CFAP298: variants seen among roughly 807,000 people sequenced by gnomAD.
CFAP298 encodes the protein cilia and flagella associated protein 298, also known as cilia- and flagella-associated protein 298.
Under a neutral mutation model 41.0 loss-of-function variants are expected in CFAP298, and 38 were observed. The observed-to-expected ratio is 0.93, with a 90% CI of 0.72 to 1.22. CFAP298 has a LOEUF of 1.22. CFAP298 is among the 50% of genes most tolerant of loss of function. CFAP298 has a pLI of 0.00. For synonymous variants in CFAP298, 137 were observed against 135.3 expected (o/e 1.01, Z -0.09); for missense variants, 348 against 360.3 (o/e 0.97, Z 0.28).
At chr21:32,610,869 G>A (rs1267130239) in intron 1 of CFAP298, among the ~76,000 whole-genome samples, 2 of 151,776 alleles carry the variant, frequency 1.3e-5, no homozygotes, top group African/African-American at 2.4e-5. Context: ...AAATAGTTAC[G>A]TTTGTATATT....
In CFAP298 at chr21:32,607,644, C is replaced by T; in HGVS notation, c.375+5G>A. Reference sequence around the variant, plus strand: ...AGTTTTAGTGCATCATTTAAAAAAGCCAACCTTAGATATTATTGCTTTGGC... The same window carrying T: ...AGTTTTAGTGCATCATTTAAAAAAGTCAACCTTAGATATTATTGCTTTGGC... On this transcript the variant is annotated splice_donor_5th_base_variant and intron_variant, in intron 3 of 6. Coordinates refer to ENST00000290155, the MANE Select transcript of CFAP298 (RefSeq NM_021254.4). The T allele has an allele frequency of 6.5e-7, 1 of 1,532,848 alleles. No homozygotes were observed. The highest frequency in any genetic ancestry group is 8.8e-7 in the Non-Finnish European group (1 of 1,131,194). The allele number at this position is 1,532,848 out of a possible 1,614,324, so 95.0% of individuals were successfully genotyped here. A position where few individuals can be genotyped will look rare whatever the true frequency, so the allele number is the denominator to read the frequency against.
chr21:32,602,381 A>G lies in CFAP298; in HGVS notation c.667-14T>C, dbSNP rs1413989959. The G allele has an allele frequency of 1.1e-5, 18 of 1,607,804 alleles. No individual in the cohort carries two copies. The highest frequency in any genetic ancestry group is 1.5e-5 in the Non-Finnish European group (18 of 1,178,792). On this transcript the variant is annotated splice_polypyrimidine_tract_variant and intron_variant, in intron 5 of 6. Coordinates refer to ENST00000290155, the MANE Select transcript of CFAP298 (RefSeq NM_021254.4). ...TCCCTGTCCCCTCTGCAAAGAGGAG[A>G]GCAGAGCAAATTGTGGATTAAGGTG...
At position 32,612,160 on chromosome 21, in the gene CFAP298, C is replaced by G. The variant is rs1204591760; in HGVS notation, c.84G>C (p.Thr28=). 2.5e-6 allele frequency: 4 copies of G among 1,592,002 alleles called. No homozygotes were observed. In the African/African-American group the frequency reaches 5.4e-5, roughly 21 times the overall value. The change falls in exon 1 of 7, where the codon ACG becomes ACC. Residue 28 remains threonine, a synonymous_variant. Transcript: ENST00000290155. The part of the protein sequence containing the change: ...APGSTELEEL[T]VQVARVYNGR... ...CATTATAGACCCGGGCCACCTGCAC[C>G]GTGAGCTCCTCCAGCTCGGTACTCC...
intron 4 of CFAP298, among the ~76,000 whole-genome samples, chr21:32,603,773 G>A (rs1206681549): frequency 3.3e-5 from 5 of 152,222 alleles, no homozygotes; most frequent in Non-Finnish European, 7.4e-5. Context: ...GGTAAGACTA[G>A]AAACACAAAT....
rs768423355 is a variant in CFAP298, at chr21:32,603,180, A to G, written c.647T>C (p.Ile216Thr). Residue 216 changes from isoleucine to threonine, a missense_variant, in exon 5 of 7, where the codon ATT becomes ACT. Physicochemically the swap from Ile to Thr is moderately conservative, Grantham distance 89. Transcript: ENST00000290155. ...ACTTACTTGCTGAATCTTGGCGATAATTTTGGTTTTTTCATTCTTCCCCAC... is the reference window on the plus strand; with the variant it reads ...ACTTACTTGCTGAATCTTGGCGATAGTTTTGGTTTTTTCATTCTTCCCCAC... Reference protein sequence around the residue: ...DYVGKNEKTKIIAKIQQRGQG... With the variant: ...DYVGKNEKTKTIAKIQQRGQG... The G allele has an allele frequency of 6.2e-7, 1 of 1,614,190 alleles. No individual in the cohort carries two copies. Among genetic ancestry groups the G allele is most frequent in the Non-Finnish European group, 8.5e-7 (1 of 1,180,020 alleles).
intron 3 of CFAP298, among the ~76,000 whole-genome samples, chr21:32,605,619 C>T (rs887831606): frequency 6.6e-6 from 1 of 152,178 alleles, no homozygotes; most frequent in African/African-American, 2.4e-5. Flanking sequence ...TTGGTGAAGA[C>T]GTTGATGTGC....
chr21:32,611,318 C>CATATATATATATATATAT (rs71193198), intron 1 of CFAP298, among the ~76,000 whole-genome samples: 68 of 114,828 alleles, frequency 5.9e-4, no homozygotes, highest in South Asian at 2.6e-3. Flanking sequence ...ACACACATAC[C>CATATATATATATATATAT]ATATATATAT....
At chr21:32,602,910 C>T (rs1321592010) in intron 5 of CFAP298, 40 of 1,243,968 alleles carry the variant, frequency 3.2e-5, no homozygotes, top group South Asian at 1.8e-4. Context: ...CCTATTTTTA[C>T]GCTTGAAATT....
intron 3 of CFAP298, among the ~76,000 whole-genome samples, chr21:32,604,918 T>G (rs2038834949): frequency 6.6e-6 from 1 of 152,178 alleles, no homozygotes; most frequent in African/African-American, 2.4e-5. Context: ...GCTCACACCT[T>G]ATGTAATCCC....
At chr21:32,610,136 G>A in intron 1 of CFAP298, 131 bp from the exon 2 acceptor site, 1 of 788,120 alleles carries the variant, frequency 1.3e-6, no homozygotes, top group South Asian at 1.8e-5. Flanking sequence ...TATGCCACTT[G>A]CTATGTGCCA....
chr21:32,601,997 A>T (rs1433873891), intron 6 of CFAP298, 24 bp from the exon 7 acceptor site: 1 of 1,408,316 alleles, frequency 7.1e-7, no homozygotes, highest in East Asian at 2.3e-5. Context: ...TGTTTTATTC[A>T]GGCAGGCATT....
Position 32,603,141 on chromosome 21 carries a change from T to C in CFAP298, c.666+20A>G. Reference sequence around the variant, plus strand: ...GGAAATAACAAAAACTACTGACACATTAAAGCAAAAAGTACTTACTTGCTG... The same window carrying C: ...GGAAATAACAAAAACTACTGACACACTAAAGCAAAAAGTACTTACTTGCTG... On this transcript the variant is annotated intron_variant, in intron 5 of 6. Transcript: ENST00000290155. 6.2e-7 allele frequency: 1 copy of C among 1,614,062 alleles called. No individual in the cohort carries two copies. Among genetic ancestry groups the C allele is most frequent in the Non-Finnish European group, 8.5e-7 (1 of 1,179,894 alleles).
chr21:32,602,972 G>C lies in CFAP298; in HGVS notation c.666+189C>G, dbSNP rs111625673. 5.5e-4 allele frequency: 559 copies of C among 1,011,300 alleles called. 5 individuals are homozygous for C. In the African/African-American group the frequency reaches 7.7e-3, roughly 14 times the overall value. 62.6% of individuals were successfully genotyped at this position (1,011,300 alleles called of 1,614,324 possible). ...ATATTAAAACAAACTCTAGATATTG[G>C]TACTCAATCCATATTTTCTTCCAGT... is the stretch of plus-strand genomic sequence containing the variant. On this transcript the variant is annotated intron_variant, in intron 5 of 6. Coordinates refer to ENST00000290155, the MANE Select transcript of CFAP298 (RefSeq NM_021254.4).
chr21:32,608,277 T>C (rs906969228), intron 2 of CFAP298, among the ~76,000 whole-genome samples: 10 of 116,192 alleles, frequency 8.6e-5, no homozygotes, highest in African/African-American at 2.4e-4. Context: ...CTAGGGAAAA[T>C]GGGGCAAGTT....
At chr21:32,602,127 AC>A in intron 6 of CFAP298, 144 bp downstream of exon 6, 1 of 885,628 alleles carries the variant, frequency 1.1e-6, no homozygotes, top group Admixed American at 2.0e-5. Context: ...ACCTGGCAGG[AC>A]CCCGACAGAC....
intron 5 of CFAP298, chr21:32,602,859 G>T (rs553010197): frequency 2.8e-4 from 389 of 1,406,706 alleles, no homozygotes; most frequent in Middle Eastern, 7.9e-4. Flanking sequence ...AGTGACGGGC[G>T]AAATTTTACA....
At position 32,601,019 on chromosome 21, in the gene CFAP298, A is replaced by T. The variant is rs1399156182; in HGVS notation, c.*844T>A. ...CCAGGCAACGCCTGGCTACAGTTAGACCCCGCAGCAGGGTTAAAGAAGGCT... is the reference window on the plus strand; with the variant it reads ...CCAGGCAACGCCTGGCTACAGTTAGTCCCCGCAGCAGGGTTAAAGAAGGCT... On this transcript the variant is annotated 3_prime_UTR_variant, in exon 7 of 7. Coordinates refer to ENST00000290155, the MANE Select transcript of CFAP298 (RefSeq NM_021254.4). 6.6e-6 allele frequency among the ~76,000 whole-genome samples: 1 copy of T among 150,612 alleles called. No individual in the cohort carries two copies. The highest frequency in any genetic ancestry group is 1.5e-5 in the Non-Finnish European group (1 of 67,890).
intron 1 of CFAP298, among the ~76,000 whole-genome samples, 197 bp from the exon 2 acceptor site, chr21:32,610,202 C>CT (rs1056256488): frequency 6.6e-5 from 10 of 151,744 alleles, no homozygotes; most frequent in African/African-American, 1.9e-4. Flanking sequence ...TCATCCTTGT[C>CT]TTTTTTTTCT....
intron 3 of CFAP298, 147 bp from the exon 4 acceptor site, chr21:32,604,430 T>C: frequency 2.3e-6 from 2 of 855,834 alleles, no homozygotes; most frequent in South Asian, 3.3e-5. Flanking sequence ...CTACCATCTA[T>C]TTCAGGGGCT....
Sources: gnomAD v4.1 joint callset for allele counts (sites outside exome capture counted in the v4.1 genomes callset) on GRCh38, gnomAD v4.1.1 for gene constraint, MANE v1.5 for transcripts, NCBI Gene and HGNC (gene_info 2026-07-23, HGNC 2026-07-21) for gene names.